DUSP22: variants seen among roughly 807,000 people sequenced by gnomAD.
DUSP22 encodes dual specificity protein phosphatase 22.
Under a neutral mutation model 24.5 loss-of-function variants are expected in DUSP22, and 24 were observed. That is an observed-to-expected ratio of 0.98 (90% CI 0.71 to 1.38). The LOEUF is 1.38. Among genes scored for constraint, DUSP22 ranks in the 40% most tolerant of loss-of-function variants. DUSP22 has a pLI of 0.00. For missense variants in DUSP22, 330 were observed against 269.2 expected, an observed-to-expected ratio of 1.23 and a Z score of -1.58; for synonymous variants, 160 against 106.4, an observed-to-expected ratio of 1.50 and a Z score of -3.10.
At chr6:292,950 AC>A (rs1757163344) in intron 1 of DUSP22, among the ~76,000 whole-genome samples, 1 of 152,098 alleles carries the variant, frequency 6.6e-6, no homozygotes, top group African/African-American at 2.4e-5. Context: ...CGCCCCCCCC[AC>A]ATCATTAGTA....
intron 1 of DUSP22, among the ~76,000 whole-genome samples, chr6:302,790 A>G (rs1264109821): frequency 3.3e-5 from 5 of 152,308 alleles, no homozygotes; most frequent in African/African-American, 1.2e-4. Flanking sequence ...GGAAGACTCT[A>G]TTCGAGACCA....
chr6:335,498 GTC>G (rs1168275329), intron 4 of DUSP22, among the ~76,000 whole-genome samples: 1 of 152,306 alleles, frequency 6.6e-6, no homozygotes, highest in Non-Finnish European at 1.5e-5. Flanking sequence ...GTTGGGTTCT[GTC>G]TAAAGCAGCG....
In DUSP22 at chr6:349,076, C is replaced by A; in HGVS notation, c.*125C>A. ...TAGCCAGGGCGAGGTGGGGCGAGGG[C>A]TCCTTCCCCCAAGCAACACCGCCCA... On this transcript the variant is annotated 3_prime_UTR_variant, in exon 7 of 7. Coordinates refer to ENST00000419235, the MANE Select transcript of DUSP22 (RefSeq NM_001286555.3). 2 of 1,473,242 alleles carry A rather than the reference C, an allele frequency of 1.4e-6. No homozygotes were observed. The highest frequency in any genetic ancestry group is 1.4e-5 in the South Asian group (1 of 72,020). 91.3% of individuals were successfully genotyped at this position (1,473,242 alleles called of 1,614,324 possible).
Position 351,248 on chromosome 6 carries a change from G to T in DUSP22, c.*2297G>T. The T allele has an allele frequency of 4.2e-6, 1 of 235,358 alleles. No individual in the cohort carries two copies. The highest frequency in any genetic ancestry group is 1.0e-4 in the East Asian group (1 of 9,876). 14.6% of individuals were successfully genotyped at this position (235,358 alleles called of 1,614,324 possible). A position where few individuals can be genotyped will look rare whatever the true frequency, so the allele number is the denominator to read the frequency against. On this transcript the variant is annotated 3_prime_UTR_variant, in exon 7 of 7. Transcript: ENST00000419235. Reference sequence around the variant, plus strand: ...CGTGTGTTCTCAAATTCCCCAGCTTGGGAAATAGCCCTTGGTGTGGGTTTT... The same window carrying T: ...CGTGTGTTCTCAAATTCCCCAGCTTTGGAAATAGCCCTTGGTGTGGGTTTT...
At chr6:321,650 A>C (rs1426492357) in intron 3 of DUSP22, among the ~76,000 whole-genome samples, 1 of 152,300 alleles carries the variant, frequency 6.6e-6, no homozygotes, top group African/African-American at 2.4e-5. Flanking sequence ...AACATGGCAT[A>C]GTGATAGTTT....
At chr6:332,060 C>T (rs532002163) in intron 3 of DUSP22, among the ~76,000 whole-genome samples, 31 of 152,402 alleles carry the variant, frequency 2.0e-4, no homozygotes, top group African/African-American at 7.2e-4. Flanking sequence ...TCCTTGCACT[C>T]ATCTGGCAGT....
chr6:317,254 AGCGGCCACGTGG>A (rs1362448891), intron 3 of DUSP22, among the ~76,000 whole-genome samples: 4 of 152,308 alleles, frequency 2.6e-5, no homozygotes, highest in African/African-American at 9.6e-5. Context: ...GTCAGTGCCC[AGCGGCCACGTGG>A]GCCTGAGGCC....
intron 3 of DUSP22, among the ~76,000 whole-genome samples, chr6:333,152 G>A (rs1228514002): frequency 6.6e-6 from 1 of 152,308 alleles, no homozygotes; most frequent in African/African-American, 2.4e-5. Flanking sequence ...GTTCCCAGCA[G>A]AGCACAGCCC....
chr6:350,305 G>T lies in DUSP22; in HGVS notation c.*1354G>T. On this transcript the variant is annotated 3_prime_UTR_variant, in exon 7 of 7. Transcript: ENST00000419235. ...GAGAGCATCTACAGTTTGTACTCTG[G>T]GGCTGCAGGCATCCTGGGACGCTGT... 1.2e-5 allele frequency: 12 copies of T among 998,814 alleles called. No individual in the cohort carries two copies. The highest frequency in any genetic ancestry group is 1.4e-5 in the Non-Finnish European group (12 of 838,422). The allele number at this position is 998,814 out of a possible 1,614,324, so 61.9% of individuals were successfully genotyped here.
intron 2 of DUSP22, among the ~76,000 whole-genome samples, chr6:308,057 C>T (rs143518695): frequency 2.8e-4 from 42 of 151,940 alleles, no homozygotes; most frequent in African/African-American, 6.3e-4. Context: ...CCGCTGGCAC[C>T]GGGCCAAAGG....
chr6:349,948 G>T lies in DUSP22; in HGVS notation c.*997G>T, dbSNP rs1295546929. The T allele has an allele frequency of 3.8e-5, 37 of 985,692 alleles. No individual in the cohort carries two copies. The highest frequency in any genetic ancestry group is 4.3e-5 in the Non-Finnish European group (36 of 830,102). 61.1% of individuals were successfully genotyped at this position (985,692 alleles called of 1,614,324 possible). ...CTCTCGCTGTCCTCACTTTGCAGGGGCTCCTCCTCAACATTTGCATGCACC... is the reference window on the plus strand; with the variant it reads ...CTCTCGCTGTCCTCACTTTGCAGGGTCTCCTCCTCAACATTTGCATGCACC... On this transcript the variant is annotated 3_prime_UTR_variant, in exon 7 of 7. Coordinates refer to ENST00000419235, the MANE Select transcript of DUSP22 (RefSeq NM_001286555.3).
At chr6:314,947 C>G (rs1406675547) in intron 3 of DUSP22, among the ~76,000 whole-genome samples, 1 of 152,302 alleles carries the variant, frequency 6.6e-6, no homozygotes, top group Non-Finnish European at 1.5e-5. Context: ...TGTACTCTTC[C>G]TAGCAGCCTG....
rs549994894 is a variant in DUSP22 at position 351,106 on chromosome 6, G to A, written c.*2155G>A. ...GTTTCTGTACCTCGCTTGGATGCCT[G>A]TAAGGATCCCGGGAGCCTTGCCGCA... On this transcript the variant is annotated 3_prime_UTR_variant, in exon 7 of 7. Transcript: ENST00000419235. The A allele has an allele frequency of 3.1e-6, 2 of 648,664 alleles. No homozygotes were observed. The highest frequency in any genetic ancestry group is 5.0e-6 in the Non-Finnish European group (2 of 396,298). 40.2% of individuals were successfully genotyped at this position (648,664 alleles called of 1,614,324 possible). A position where few individuals can be genotyped will look rare whatever the true frequency, so the allele number is the denominator to read the frequency against.
chr6:350,507 G>A lies in DUSP22; in HGVS notation c.*1556G>A, dbSNP rs1207972304. 24 of 1,289,184 alleles carry A rather than the reference G, an allele frequency of 1.9e-5. No individual in the cohort carries two copies. In the East Asian group the frequency reaches 8.6e-4, roughly 46 times the overall value. 79.9% of individuals were successfully genotyped at this position (1,289,184 alleles called of 1,614,324 possible). A position where few individuals can be genotyped will look rare whatever the true frequency, so the allele number is the denominator to read the frequency against. Reference sequence around the variant, plus strand: ...AGAGCAGTTTTCCTGTGCATATAGAGGGTGTGTCAAAGGTGAGCTTTTTGG... The same window carrying A: ...AGAGCAGTTTTCCTGTGCATATAGAAGGTGTGTCAAAGGTGAGCTTTTTGG... On this transcript the variant is annotated 3_prime_UTR_variant, in exon 7 of 7. Transcript: ENST00000419235.
chr6:343,007 C>T (rs1212245131), intron 4 of DUSP22, among the ~76,000 whole-genome samples: 1 of 152,306 alleles, frequency 6.6e-6, no homozygotes, highest in Non-Finnish European at 1.5e-5. Context: ...GGGCCAGGCT[C>T]CTGCCCAACA....
chr6:329,464 C>CT (rs1351615143), intron 3 of DUSP22, among the ~76,000 whole-genome samples: 3 of 152,292 alleles, frequency 2.0e-5, no homozygotes, highest in Non-Finnish European at 4.4e-5. Context: ...TAAATCTTTG[C>CT]TTTTTTTTGA....
At chr6:348,393 C>T (rs112390059) in intron 6 of DUSP22, 119 bp downstream of exon 6, 72 of 1,497,516 alleles carry the variant, frequency 4.8e-5, no homozygotes, top group Admixed American at 4.3e-4. Flanking sequence ...CAGAGGACAT[C>T]GGCTCCCAGG....
At chr6:300,901 G>A (rs1757552901) in intron 1 of DUSP22, among the ~76,000 whole-genome samples, 1 of 152,306 alleles carries the variant, frequency 6.6e-6, no homozygotes, top group African/African-American at 2.4e-5. Flanking sequence ...AGGAGCAGAT[G>A]CTGTAAGTGG....
At chr6:299,538 T>C (rs1442205496) in intron 1 of DUSP22, among the ~76,000 whole-genome samples, 9 of 152,296 alleles carry the variant, frequency 5.9e-5, no homozygotes, top group African/African-American at 2.2e-4. Context: ...TGGAAGAGAA[T>C]CATACTGTGA....
Sources: gnomAD v4.1 joint callset for allele counts (sites outside exome capture counted in the v4.1 genomes callset) on GRCh38, gnomAD v4.1.1 for gene constraint, MANE v1.5 for transcripts, NCBI Gene and HGNC (gene_info 2026-07-23, HGNC 2026-07-21) for gene names.